The following TTC29 variants were observed in gnomAD, a reference collection of about 807,000 sequenced individuals.
TTC29 encodes the protein tetratricopeptide repeat domain 29.
TTC29 carries 49 observed loss-of-function variants against 58.1 expected under a neutral mutation model. The ratio of observed to expected loss-of-function variants is 0.84; its 90% CI spans 0.67 to 1.07. The LOEUF is 1.07. Among genes scored for constraint, TTC29 ranks in the 50% least tolerant of loss-of-function variants. The pLI is 0.00. For synonymous variants in TTC29, 209 were observed against 196.8 expected (o/e 1.06, Z -0.52); for missense variants, 582 against 555.6 (o/e 1.05, Z -0.48).
chr4:146,822,972 T>C (rs1159257221), intron 9 of TTC29, among the ~76,000 whole-genome samples: 1 of 152,198 alleles, frequency 6.6e-6, no homozygotes, highest in African/African-American at 2.4e-5. Flanking sequence ...CTTGTAAATA[T>C]ATTTAAGTTC....
chr4:146,884,359 T>C (rs1349465173), intron 6 of TTC29, among the ~76,000 whole-genome samples: 1 of 152,104 alleles, frequency 6.6e-6, no homozygotes, highest in Non-Finnish European at 1.5e-5. Flanking sequence ...AGTGTGCATA[T>C]AGTGGCAGTG....
intron 11 of TTC29, among the ~76,000 whole-genome samples, chr4:146,799,267 G>A (rs996744559): frequency 2.0e-5 from 3 of 152,128 alleles, no homozygotes; most frequent in Non-Finnish European, 4.4e-5. Flanking sequence ...CTACTTGCTT[G>A]CTGACTTTTT....
chr4:146,827,787 A>G (rs1221785687), intron 9 of TTC29, among the ~76,000 whole-genome samples: 1 of 152,232 alleles, frequency 6.6e-6, no homozygotes, highest in Non-Finnish European at 1.5e-5. Flanking sequence ...TCACATTCAC[A>G]GCTCTCTACT....
At chr4:146,802,896 A>G (rs1219554719) in intron 11 of TTC29, among the ~76,000 whole-genome samples, 5 of 152,180 alleles carry the variant, frequency 3.3e-5, no homozygotes, top group Non-Finnish European at 5.9e-5. Flanking sequence ...TGACCCCTGC[A>G]TCCCTTCTAG....
chr4:146,708,330 A>ATGTGTGTG lies in TTC29; in HGVS notation c.1331-780_1331-779insCACACACA, dbSNP rs1561046820. On this transcript the variant is annotated intron_variant, in intron 11 of 12. Transcript: ENST00000325106. ...AGTTTATATATATATATATATATAT[A>ATGTGTGTG]TATATATATATATATATATATATAT... Among the ~76,000 whole-genome samples the ATGTGTGTG allele has an allele frequency of 3.4e-4, 22 of 64,034 alleles. 2 individuals are homozygous for ATGTGTGTG. The highest frequency in any genetic ancestry group is 8.1e-4 in the African/African-American group (18 of 22,130). The allele number at this position is 64,034 out of a possible 152,430, so 42.0% of individuals were successfully genotyped here.
At position 146,879,171 on chromosome 4, in the gene TTC29, G is replaced by T. The variant is rs1731462700; in HGVS notation, c.587-4243C>A. 3.3e-5 allele frequency among the ~76,000 whole-genome samples: 5 copies of T among 152,176 alleles called. No homozygotes were observed. In the South Asian group the frequency reaches 1.0e-3, roughly 32 times the overall value. The stretch of plus-strand genomic sequence containing the variant: ...TCCAAATGACCACAAGCACACAAAT[G>T]ACTTATCTGCAATTTCTAAAGGCTG... On this transcript the variant is annotated intron_variant, in intron 6 of 12. Coordinates refer to ENST00000325106, the MANE Select transcript of TTC29 (RefSeq NM_031956.4).
intron 11 of TTC29, among the ~76,000 whole-genome samples, chr4:146,716,797 C>T (rs997228022): frequency 2.0e-5 from 3 of 152,076 alleles, no homozygotes; most frequent in Admixed American, 2.0e-4. Flanking sequence ...AAATCAAAAC[C>T]TTGTACATCC....
chr4:146,858,561 G>T (rs1273267840), intron 8 of TTC29, among the ~76,000 whole-genome samples: 1 of 152,120 alleles, frequency 6.6e-6, no homozygotes, highest in Non-Finnish European at 1.5e-5. Context: ...AATACCGTAG[G>T]TCTAGAGCAG....
intron 11 of TTC29, among the ~76,000 whole-genome samples, chr4:146,760,513 A>C (rs1373042798): frequency 6.6e-6 from 1 of 151,992 alleles, no homozygotes; most frequent in Non-Finnish European, 1.5e-5. Flanking sequence ...ATCTAGAGGC[A>C]TCACACTACC....
intron 11 of TTC29, among the ~76,000 whole-genome samples, chr4:146,744,576 A>G (rs1509331): frequency 0.048 from 7,336 of 152,154 alleles, 609 homozygotes; most frequent in African/African-American, 0.17. Context: ...TAGTTCTATG[A>G]AGGGGGTAGC....
chr4:146,794,370 T>C (rs1749683548), intron 11 of TTC29, among the ~76,000 whole-genome samples: 1 of 152,134 alleles, frequency 6.6e-6, no homozygotes, highest in Non-Finnish European at 1.5e-5. Flanking sequence ...CATATTATGA[T>C]AGAAGGAAAT....
At chr4:146,927,869 T>C (rs561319265) in intron 4 of TTC29, among the ~76,000 whole-genome samples, 6 of 152,240 alleles carry the variant, frequency 3.9e-5, no homozygotes, top group African/African-American at 1.4e-4. Flanking sequence ...GATCATGGGT[T>C]CTCATTCCTG....
chr4:146,903,690 G>C lies in TTC29; in HGVS notation c.440C>G (p.Ala147Gly). The C allele has an allele frequency of 6.2e-7, 1 of 1,611,518 alleles. No homozygotes were observed. The highest frequency in any genetic ancestry group is 8.5e-7 in the Non-Finnish European group (1 of 1,178,890). Residue 147 changes from alanine to glycine, a missense_variant, in exon 6 of 13, where the codon GCC becomes GGC. By Grantham distance (60) the Ala-to-Gly change is moderately conservative (BLOSUM62 0). Transcript: ENST00000325106. Reference sequence around the variant, plus strand: ...GTCTTCAGAATTATTGAAGTAACAGGCCAGAGCATACAAGTTATTATGTAC... The same window carrying C: ...GTCTTCAGAATTATTGAAGTAACAGCCCAGAGCATACAAGTTATTATGTAC... Reference protein sequence around the residue: ...EDVHNNLYALACYFNNSEDKW... With the variant: ...EDVHNNLYALGCYFNNSEDKW...
At chr4:146,742,406 C>T (rs1745220044) in intron 11 of TTC29, among the ~76,000 whole-genome samples, 1 of 152,124 alleles carries the variant, frequency 6.6e-6, no homozygotes. Flanking sequence ...TCTTCTCATT[C>T]TCTCTGTGAA....
At chr4:146,722,064 GACACAC>G (rs112579071) in intron 11 of TTC29, among the ~76,000 whole-genome samples, 151,131 of 151,260 alleles carry the variant, frequency 1, 75,501 homozygotes, top group Middle Eastern at 1. Flanking sequence ...ATTCACAATA[GACACAC>G]ACACACACAC....
chr4:146,909,048 C>T lies in TTC29; in HGVS notation c.378G>A (p.Arg126=). 9.3e-6 allele frequency: 15 copies of T among 1,613,892 alleles called. No homozygotes were observed. Among genetic ancestry groups the T allele is most frequent in the Non-Finnish European group, 1.3e-5 (15 of 1,179,832 alleles). ...KLDYLYHYLT[R]AEDAERKESF... is the part of the protein sequence containing the mutation. ...TACCTTTCCTCTCAGCGTCCTCAGC[C>T]CTGGTCAGGTAATGGTACAGGTAAT... is the stretch of plus-strand genomic sequence containing the variant. Residue 126 remains arginine (R), a synonymous_variant, in exon 5 of 13, where the codon AGG becomes AGA. Coordinates refer to ENST00000325106, the MANE Select transcript of TTC29 (RefSeq NM_031956.4).
chr4:146,785,230 TTGCCCAG>T (rs1748924955), intron 11 of TTC29, among the ~76,000 whole-genome samples: 1 of 150,876 alleles, frequency 6.6e-6, no homozygotes, highest in South Asian at 2.1e-4. Flanking sequence ...TTCGCTCTTG[TTGCCCAG>T]GCTGGAGTGC....
At chr4:146,740,346 A>T (rs1006793995) in intron 11 of TTC29, among the ~76,000 whole-genome samples, 56 of 152,294 alleles carry the variant, frequency 3.7e-4, no homozygotes, top group African/African-American at 1.3e-3. Flanking sequence ...GGTAACAAAG[A>T]GGATGTTGAA....
intron 11 of TTC29, among the ~76,000 whole-genome samples, chr4:146,793,645 A>T (rs1003330060): frequency 1.3e-5 from 2 of 151,990 alleles, no homozygotes; most frequent in African/African-American, 2.4e-5. Flanking sequence ...TTGGCTTGAT[A>T]TTTTTCTCTT....
Sources: allele counts gnomAD v4.1 joint callset (sites outside exome capture counted in the v4.1 genomes callset), GRCh38; gene constraint gnomAD v4.1.1; transcripts MANE v1.5; gene names NCBI Gene and HGNC (gene_info 2026-07-23, HGNC 2026-07-21).